The following MTREX variants were observed in gnomAD, a reference collection of about 807,000 sequenced individuals.
MTREX encodes exosome RNA helicase MTR4.
A neutral mutation model predicts 135.4 loss-of-function variants in MTREX; 76 were observed. That is an observed-to-expected ratio of 0.56 (90% CI 0.47 to 0.68). The LOEUF (loss-of-function observed/expected upper bound fraction) is 0.68, where lower values mean the gene tolerates loss of function less well. Ranked by LOEUF, MTREX falls within the 30% of genes least tolerant of loss-of-function variation. The pLI, the probability that MTREX is intolerant of heterozygous loss-of-function variation, is 0.00. For synonymous variants in MTREX, 404 were observed against 401.6 expected, an observed-to-expected ratio of 1.01 and a Z score of -0.07; for missense variants, 920 against 1,262.1, an observed-to-expected ratio of 0.73 and a Z score of 4.11.
In MTREX at chr5:55,378,496, T is replaced by C. The variant is rs758116978; in HGVS notation, c.1983+10T>C. The C allele has an allele frequency of 6.3e-7, 1 of 1,591,894 alleles. No homozygotes were observed. Among genetic ancestry groups the C allele is most frequent in the East Asian group, 2.3e-5 (1 of 44,354 alleles). On this transcript the variant is annotated intron_variant, in intron 17 of 26. Transcript: ENST00000230640. ...AGGTCGTTTGGTAAAGGTATGTCAT[T>C]GTTTCTTCATAAAATACTTGAATAA...
chr5:55,377,695 T>C (rs751530481), intron 16 of MTREX, among the ~76,000 whole-genome samples: 5 of 152,170 alleles, frequency 3.3e-5, no homozygotes, highest in Non-Finnish European at 7.3e-5. Flanking sequence ...GCCTGTGATT[T>C]ATTGGTTGGT....
At chr5:55,385,993 G>T (rs1291397331) in intron 18 of MTREX, among the ~76,000 whole-genome samples, 1 of 151,938 alleles carries the variant, frequency 6.6e-6, no homozygotes, top group Non-Finnish European at 1.5e-5. Context: ...TTTTTCCATT[G>T]CACTACCTGA....
chr5:55,344,910 C>T (rs1485084595), intron 9 of MTREX, among the ~76,000 whole-genome samples, 184 bp from the exon 10 acceptor site: 1 of 152,058 alleles, frequency 6.6e-6, no homozygotes, highest in South Asian at 2.1e-4. Context: ...TTTTGCTTTT[C>T]TTCATTTTTT....
chr5:55,312,187 T>C (rs899712777), intron 1 of MTREX, among the ~76,000 whole-genome samples: 3 of 152,152 alleles, frequency 2.0e-5, no homozygotes, highest in Non-Finnish European at 4.4e-5. Context: ...TTACCTGGAA[T>C]CCACCTATTA....
rs113947697 is a variant in MTREX at position 55,393,683 on chromosome 5, T to G, written c.2182-3733T>G. On this transcript the variant is annotated intron_variant, in intron 19 of 26. Coordinates refer to ENST00000230640, the MANE Select transcript of MTREX (RefSeq NM_015360.5). Reference sequence around the variant, plus strand: ...GGTATTCTAGCAAGTTTCCACTGATTGCTCACATGGTTATTTGGACTTACA... The same window carrying G: ...GGTATTCTAGCAAGTTTCCACTGATGGCTCACATGGTTATTTGGACTTACA... Among the ~76,000 whole-genome samples, 891 of 152,356 alleles carry G rather than the reference T, an allele frequency of 5.8e-3. 7 individuals are homozygous for G. The highest frequency in any genetic ancestry group is 0.021 in the African/African-American group (855 of 41,572).
chr5:55,322,280 G>C (rs1301164049), intron 1 of MTREX, 47 bp from the exon 2 acceptor site: 2 of 1,526,694 alleles, frequency 1.3e-6, no homozygotes, highest in Non-Finnish European at 1.8e-6. Context: ...TGCCCTTAAA[G>C]TAAAAGTGGA....
chr5:55,422,859 T>C lies in MTREX; in HGVS notation c.2972-19T>C. ...TGATTATTTCCATTTTACCAGTGTT[T>C]TGTTCCTTTTCTATCCAGGCAGCAT... On this transcript the variant is annotated intron_variant, in intron 25 of 26. Coordinates refer to ENST00000230640, the MANE Select transcript of MTREX (RefSeq NM_015360.5). 1 of 1,598,644 alleles carries C rather than the reference T, an allele frequency of 6.3e-7. No individual in the cohort carries two copies. Among genetic ancestry groups the C allele is most frequent in the Non-Finnish European group, 8.5e-7 (1 of 1,171,070 alleles).
intron 16 of MTREX, among the ~76,000 whole-genome samples, chr5:55,370,128 G>A (rs1246721354): frequency 1.3e-5 from 2 of 151,910 alleles, no homozygotes; most frequent in African/African-American, 2.4e-5. Context: ...TCTCCATGTT[G>A]GTCAAGCTGG....
At chr5:55,369,847 A>G (rs1045182637) in intron 16 of MTREX, among the ~76,000 whole-genome samples, 11 of 152,010 alleles carry the variant, frequency 7.2e-5, no homozygotes, top group African/African-American at 2.4e-4. Context: ...CTTTTTACCA[A>G]TGAGAATTCC....
intron 5 of MTREX, among the ~76,000 whole-genome samples, chr5:55,337,664 T>C (rs1362739783): frequency 1.3e-5 from 2 of 152,198 alleles, no homozygotes; most frequent in South Asian, 2.1e-4. Context: ...TTGTTATTTC[T>C]AACTTAATTT....
At chr5:55,365,800 G>C (rs1027519012) in intron 15 of MTREX, among the ~76,000 whole-genome samples, 2 of 152,018 alleles carry the variant, frequency 1.3e-5, no homozygotes, top group Non-Finnish European at 2.9e-5. Context: ...GACTATCCTG[G>C]CTAACACAGT....
At chr5:55,393,507 T>C (rs1750601762) in intron 19 of MTREX, among the ~76,000 whole-genome samples, 1 of 152,238 alleles carries the variant, frequency 6.6e-6, no homozygotes, top group South Asian at 2.1e-4. Context: ...TTTCAGGTGA[T>C]AGTCTTGATT....
chr5:55,317,472 G>T (rs79947227), intron 1 of MTREX, among the ~76,000 whole-genome samples: 1 of 152,102 alleles, frequency 6.6e-6, no homozygotes, highest in Non-Finnish European at 1.5e-5. Flanking sequence ...TAGAAATAAG[G>T]CCGCACATCT....
intron 21 of MTREX, among the ~76,000 whole-genome samples, chr5:55,404,472 G>C (rs186711625): frequency 3.3e-5 from 5 of 152,200 alleles, no homozygotes; most frequent in African/African-American, 1.2e-4. Flanking sequence ...TAAGGGCAAA[G>C]AGAAGGAATA....
intron 23 of MTREX, among the ~76,000 whole-genome samples, 157 bp from the exon 24 acceptor site, chr5:55,414,025 A>G (rs1046449295): frequency 2.0e-5 from 3 of 152,216 alleles, no homozygotes; most frequent in Non-Finnish European, 4.4e-5. Flanking sequence ...TTGCCTGTGT[A>G]AACTGAATTG....
At chr5:55,359,703 C>A (rs1186713893) in intron 15 of MTREX, among the ~76,000 whole-genome samples, 3 of 152,090 alleles carry the variant, frequency 2.0e-5, no homozygotes, top group African/African-American at 7.2e-5. Flanking sequence ...TATTTTTATT[C>A]TTTTCTCTAA....
At chr5:55,321,392 G>A (rs1749287717) in intron 1 of MTREX, among the ~76,000 whole-genome samples, 1 of 151,794 alleles carries the variant, frequency 6.6e-6, no homozygotes, top group Admixed American at 6.6e-5. Context: ...TTTTAATTGG[G>A]TTATCTTTTA....
chr5:55,360,549 C>T (rs1303442415), intron 15 of MTREX, among the ~76,000 whole-genome samples: 1 of 152,054 alleles, frequency 6.6e-6, no homozygotes, highest in East Asian at 1.9e-4. Context: ...TTAGTAGTTG[C>T]ACCGTTTTAC....
At chr5:55,416,810 CT>C (rs1750972921) in intron 25 of MTREX, among the ~76,000 whole-genome samples, 1 of 152,036 alleles carries the variant, frequency 6.6e-6, no homozygotes, top group Non-Finnish European at 1.5e-5. Flanking sequence ...TTACATTGAA[CT>C]TTCCTAAAAA....
Sources: gnomAD v4.1 joint callset for allele counts (sites outside exome capture counted in the v4.1 genomes callset) on GRCh38, gnomAD v4.1.1 for gene constraint, MANE v1.5 for transcripts, NCBI Gene and HGNC (gene_info 2026-07-23, HGNC 2026-07-21) for gene names.